EPHB1: variants seen among roughly 807,000 people sequenced by gnomAD.
EPHB1 encodes ephrin type-B receptor 1.
In EPHB1, 30 loss-of-function variants were observed where a neutral mutation model predicts 94.4. The ratio of observed to expected loss-of-function variants is 0.32; its 90% confidence interval spans 0.24 to 0.43. The LOEUF is 0.43. EPHB1 is among the 20% of genes least tolerant of loss of function. EPHB1 has a pLI of 1.00. For synonymous variants in EPHB1, 522 were observed against 489.1 expected (o/e 1.07, Z -0.89); for missense variants, 1,055 against 1,308.3 (o/e 0.81, Z 2.99).
chr3:135,130,867 C>T (rs1272429149), intron 4 of EPHB1, among the ~76,000 whole-genome samples: 1 of 152,190 alleles, frequency 6.6e-6, no homozygotes, highest in African/African-American at 2.4e-5. Context: ...TGAGTCTAGG[C>T]TCTCTGCTAT....
At chr3:134,853,880 G>A (rs1289763629) in intron 1 of EPHB1, among the ~76,000 whole-genome samples, 1 of 152,288 alleles carries the variant, frequency 6.6e-6, no homozygotes, top group Admixed American at 6.5e-5. Context: ...CTCCTGCAGT[G>A]CATTGTCCTC....
chr3:135,157,381 C>A (rs1941385397), intron 6 of EPHB1, among the ~76,000 whole-genome samples: 1 of 152,244 alleles, frequency 6.6e-6, no homozygotes, highest in African/African-American at 2.4e-5. Flanking sequence ...CCAGCCCAAG[C>A]TCCTCTACTA....
intron 1 of EPHB1, among the ~76,000 whole-genome samples, chr3:134,887,507 G>C (rs2037884501): frequency 6.6e-6 from 1 of 152,182 alleles, no homozygotes; most frequent in African/African-American, 2.4e-5. Flanking sequence ...CATCTACCAT[G>C]ATAGATTAGG....
At chr3:134,812,791 T>G (rs924984130) in intron 1 of EPHB1, among the ~76,000 whole-genome samples, 2 of 152,242 alleles carry the variant, frequency 1.3e-5, no homozygotes, top group South Asian at 2.1e-4. Context: ...CTTTAAATTT[T>G]AACCACCCTG....
At chr3:134,932,826 A>G (rs536352817) in intron 2 of EPHB1, among the ~76,000 whole-genome samples, 74 of 152,308 alleles carry the variant, frequency 4.9e-4, no homozygotes, top group African/African-American at 1.8e-3. Context: ...TCTGGGCAAA[A>G]TGGTTTTGTG....
intron 3 of EPHB1, among the ~76,000 whole-genome samples, chr3:135,024,668 C>G (rs1936087067): frequency 6.6e-6 from 1 of 152,106 alleles, no homozygotes; most frequent in Non-Finnish European, 1.5e-5. Context: ...AAATTAATTT[C>G]TATTTTTATT....
intron 3 of EPHB1, among the ~76,000 whole-genome samples, chr3:134,982,071 G>A (rs1934421271): frequency 6.6e-6 from 1 of 152,210 alleles, no homozygotes; most frequent in Non-Finnish European, 1.5e-5. Context: ...ATATCATACA[G>A]CTACAAGGTG....
At chr3:135,192,864 G>A (rs1456075029) in intron 11 of EPHB1, 41 bp downstream of exon 11, 1 of 1,598,428 alleles carries the variant, frequency 6.3e-7, no homozygotes, top group East Asian at 2.2e-5. Flanking sequence ...CTTGGATGCA[G>A]GTGAATGATG....
intron 5 of EPHB1, among the ~76,000 whole-genome samples, chr3:135,138,614 A>G (rs181297686): frequency 1.5e-4 from 23 of 152,354 alleles, no homozygotes; most frequent in African/African-American, 5.3e-4. Flanking sequence ...GGCTGTGCTT[A>G]TTGGAAATTA....
intron 4 of EPHB1, among the ~76,000 whole-genome samples, chr3:135,111,998 C>T (rs1221263142): frequency 1.3e-5 from 2 of 152,204 alleles, no homozygotes; most frequent in African/African-American, 4.8e-5. Context: ...CTTGAGTGGT[C>T]AGAGCAGTGT....
chr3:135,105,568 TTAAGACCCGAGG>T (rs1238986966), intron 3 of EPHB1, among the ~76,000 whole-genome samples: 1 of 152,062 alleles, frequency 6.6e-6, no homozygotes, highest in Non-Finnish European at 1.5e-5. Context: ...TGAGACAAAG[TTAAGACCCGAGG>T]GATAGCTTGG....
At chr3:135,250,728 G>A (rs1052471905) in intron 15 of EPHB1, among the ~76,000 whole-genome samples, 7 of 151,986 alleles carry the variant, frequency 4.6e-5, no homozygotes, top group African/African-American at 1.2e-4. Flanking sequence ...CACACACACC[G>A]GGGGGACTTC....
rs781163829 is a variant in EPHB1 at position 135,259,112 on chromosome 3, A to G, written c.2947A>G (p.Met983Val). 6.2e-6 allele frequency: 10 copies of G among 1,606,700 alleles called. No homozygotes were observed. The Admixed American group carries it at 8.5e-5, about 14-fold the overall frequency. Residue 983 changes from methionine to valine, a missense_variant, in exon 16 of 16, where the codon ATG becomes GTG. By Grantham distance (21) the Met-to-Val change is conservative (BLOSUM62 1). Coordinates refer to ENST00000398015, the MANE Select transcript of EPHB1 (RefSeq NM_004441.5). ...RVQISQSPTA[M>V]A is the part of the protein sequence containing the mutation. ...CCAGATAAGTCAGTCACCAACGGCA[A>G]TGGCATGAGAACTCTTGTTTCTTGG...
At chr3:135,077,099 C>T (rs1030504396) in intron 3 of EPHB1, among the ~76,000 whole-genome samples, 1 of 152,092 alleles carries the variant, frequency 6.6e-6, no homozygotes, top group Non-Finnish European at 1.5e-5. Flanking sequence ...ATTATACCTC[C>T]ATAAAACTGC....
chr3:135,161,783 C>T (rs1014940055), intron 6 of EPHB1, among the ~76,000 whole-genome samples: 1 of 152,080 alleles, frequency 6.6e-6, no homozygotes, highest in Admixed American at 6.5e-5. Context: ...CAGTCATTTC[C>T]CTGGGCCCCT....
At chr3:135,160,007 C>T (rs1337971816) in intron 6 of EPHB1, among the ~76,000 whole-genome samples, 1 of 152,192 alleles carries the variant, frequency 6.6e-6, no homozygotes, top group Non-Finnish European at 1.5e-5. Flanking sequence ...AGTCACTCTG[C>T]ATCTCCTCTG....
chr3:134,871,303 G>A (rs747200246), intron 1 of EPHB1, among the ~76,000 whole-genome samples: 2 of 152,094 alleles, frequency 1.3e-5, no homozygotes, highest in Non-Finnish European at 2.9e-5. Flanking sequence ...TGTCTAGGCA[G>A]GTGGATACCT....
chr3:135,134,915 A>G (rs918341078), intron 5 of EPHB1, among the ~76,000 whole-genome samples: 1 of 151,960 alleles, frequency 6.6e-6, no homozygotes, highest in Admixed American at 6.6e-5. Flanking sequence ...TTACCCTGCT[A>G]TTCCCGAACC....
intron 3 of EPHB1, among the ~76,000 whole-genome samples, chr3:135,024,326 C>A (rs1303388416): frequency 6.6e-6 from 1 of 152,178 alleles, no homozygotes; most frequent in Non-Finnish European, 1.5e-5. Flanking sequence ...TTTCATGTCA[C>A]AAACTGTTGG....
Sources: allele counts gnomAD v4.1 joint callset (sites outside exome capture counted in the v4.1 genomes callset), GRCh38; gene constraint gnomAD v4.1.1; transcripts MANE v1.5; gene names NCBI Gene and HGNC (gene_info 2026-07-23, HGNC 2026-07-21).